The following CNTN5 variants were observed in gnomAD, a reference collection of about 807,000 sequenced individuals.
CNTN5 encodes the protein contactin 5, also known as contactin-5.
A neutral mutation model predicts 129.1 loss-of-function variants in CNTN5; 77 were observed. The ratio of observed to expected loss-of-function variants is 0.60; its 90% CI spans 0.50 to 0.72. The LOEUF (loss-of-function observed/expected upper bound fraction) is 0.72. Among genes scored for constraint, CNTN5 ranks in the 30% least tolerant of loss-of-function variants. CNTN5 has a pLI of 0.00. For synonymous variants in CNTN5, 509 were observed against 465.6 expected (o/e 1.09, Z -1.20); for missense variants, 1,478 against 1,328.8 (o/e 1.11, Z -1.75).
intron 7 of CNTN5, among the ~76,000 whole-genome samples, chr11:99,917,664 A>G (rs1949828812): frequency 6.6e-6 from 1 of 152,118 alleles, no homozygotes. Flanking sequence ...TATGATCTTT[A>G]TTTTAAGGCT....
intron 3 of CNTN5, among the ~76,000 whole-genome samples, chr11:99,769,615 T>C (rs562049040): frequency 6.7e-4 from 102 of 152,138 alleles, no homozygotes; most frequent in Non-Finnish European, 7.2e-4. Context: ...AGAGGGCGAA[T>C]AGCTTGAGCT....
intron 1 of CNTN5, among the ~76,000 whole-genome samples, chr11:99,257,204 G>A (rs1862413323): frequency 1.3e-5 from 2 of 152,070 alleles, no homozygotes; most frequent in Non-Finnish European, 2.9e-5. Context: ...AAACTCTATT[G>A]TTTGCAGAGC....
chr11:100,183,137 C>T (rs1948190200), intron 13 of CNTN5, among the ~76,000 whole-genome samples: 1 of 152,112 alleles, frequency 6.6e-6, no homozygotes, highest in African/African-American at 2.4e-5. Flanking sequence ...AGCTCTCATA[C>T]ACTGCTGGTA....
intron 1 of CNTN5, among the ~76,000 whole-genome samples, chr11:99,304,917 A>C (rs1021589285): frequency 3.3e-5 from 5 of 152,198 alleles, no homozygotes; most frequent in Non-Finnish European, 5.9e-5. Flanking sequence ...ATCAAGTGGA[A>C]AAGAAAGAGG....
intron 2 of CNTN5, among the ~76,000 whole-genome samples, chr11:99,331,859 C>A (rs191985977): frequency 1.6e-3 from 251 of 152,212 alleles, no homozygotes; most frequent in Admixed American, 3.5e-3. Context: ...GAATAGTATA[C>A]CAGCTGTGAG....
intron 13 of CNTN5, among the ~76,000 whole-genome samples, chr11:100,187,574 A>G (rs989645358): frequency 6.6e-6 from 1 of 152,212 alleles, no homozygotes. Context: ...CTAAAACAGC[A>G]TGGTACTAGT....
chr11:99,565,155 A>G (rs140557395), intron 3 of CNTN5, among the ~76,000 whole-genome samples: 6,083 of 152,200 alleles, frequency 0.04, 159 homozygotes, highest in South Asian at 0.085. Flanking sequence ...GAGCACTTTC[A>G]ACTTGTCTTA....
chr11:99,111,695 T>C (rs557244631), intron 1 of CNTN5, among the ~76,000 whole-genome samples: 1 of 152,068 alleles, frequency 6.6e-6, no homozygotes, highest in Non-Finnish European at 1.5e-5. Flanking sequence ...CTGGAGTTTA[T>C]AAAATTCACA....
At chr11:99,033,113 T>A (rs1863488477) in intron 1 of CNTN5, among the ~76,000 whole-genome samples, 1 of 150,388 alleles carries the variant, frequency 6.6e-6, no homozygotes, top group Non-Finnish European at 1.5e-5. Flanking sequence ...CTCTGTTCTG[T>A]TCCATTGATC....
chr11:99,225,016 A>T (rs1286128221), intron 1 of CNTN5, among the ~76,000 whole-genome samples: 1 of 152,104 alleles, frequency 6.6e-6, no homozygotes, highest in East Asian at 1.9e-4. Context: ...AGTTAGAAGG[A>T]AATTAAGTTT....
At chr11:100,350,143 T>C (rs1332919986) in intron 23 of CNTN5, among the ~76,000 whole-genome samples, 1 of 151,876 alleles carries the variant, frequency 6.6e-6, no homozygotes, top group Non-Finnish European at 1.5e-5. Context: ...TTCAACTGTT[T>C]CCTACATTGT....
At chr11:99,441,231 G>A (rs183747665) in intron 2 of CNTN5, among the ~76,000 whole-genome samples, 8 of 152,222 alleles carry the variant, frequency 5.3e-5, no homozygotes, top group Admixed American at 4.6e-4. Context: ...TCAAAATATT[G>A]AGAATAATTT....
rs576717190 is a variant in CNTN5 at position 99,544,026 on chromosome 11, G to GTTAAGAATACC, written c.-70-12117_-70-12107dup. On this transcript the variant is annotated intron_variant, in intron 2 of 24. Coordinates refer to ENST00000524871, the MANE Select transcript of CNTN5 (RefSeq NM_014361.4). ...TGTGTTAAACTATTCTTGTGTTGCT[G>GTTAAGAATACC]TTAAGAATACCTGAAGTTGCATAAT... Among the ~76,000 whole-genome samples the GTTAAGAATACC allele has an allele frequency of 2.2e-4, 34 of 151,444 alleles. 1 individual carries two copies. In the East Asian group the frequency reaches 5.7e-3, roughly 25 times the overall value.
At chr11:100,207,999 T>C (rs1736847852) in intron 15 of CNTN5, among the ~76,000 whole-genome samples, 1 of 152,202 alleles carries the variant, frequency 6.6e-6, no homozygotes, top group South Asian at 2.1e-4. Flanking sequence ...ATACCAAAAT[T>C]CTGACTGGAA....
chr11:99,342,184 A>C (rs1394704052), intron 2 of CNTN5, among the ~76,000 whole-genome samples: 1 of 152,168 alleles, frequency 6.6e-6, no homozygotes, highest in African/African-American at 2.4e-5. Flanking sequence ...TGCTATTTGT[A>C]AATAAGATTT....
intron 2 of CNTN5, among the ~76,000 whole-genome samples, chr11:99,424,984 C>G (rs1943055184): frequency 6.6e-6 from 1 of 152,142 alleles, no homozygotes; most frequent in South Asian, 2.1e-4. Flanking sequence ...GAGTGTACAA[C>G]TCTTAGCAGA....
intron 1 of CNTN5, among the ~76,000 whole-genome samples, chr11:99,237,697 G>A (rs1176695188): frequency 6.6e-6 from 1 of 151,836 alleles, no homozygotes; most frequent in Non-Finnish European, 1.5e-5. Context: ...AAAAAAAAAG[G>A]CATTTATAAA....
intron 6 of CNTN5, among the ~76,000 whole-genome samples, chr11:99,899,809 G>A (rs189605134): frequency 2.4e-4 from 36 of 152,026 alleles, no homozygotes; most frequent in Admixed American, 1.6e-3. Flanking sequence ...GGTTGGTACC[G>A]GCTTTTCTTT....
At chr11:99,386,410 G>A (rs551413041) in intron 2 of CNTN5, among the ~76,000 whole-genome samples, 11 of 152,232 alleles carry the variant, frequency 7.2e-5, no homozygotes, top group South Asian at 2.1e-4. Flanking sequence ...TAAACAAGGA[G>A]TGGATTATTC....
Sources: gnomAD v4.1 joint callset for allele counts (sites outside exome capture counted in the v4.1 genomes callset) on GRCh38, gnomAD v4.1.1 for gene constraint, MANE v1.5 for transcripts, NCBI Gene and HGNC (gene_info 2026-07-23, HGNC 2026-07-21) for gene names.